LRPPRC: variants seen among roughly 807,000 people sequenced by gnomAD.
The protein encoded by LRPPRC is leucine-rich PPR motif-containing protein, mitochondrial.
LRPPRC carries 120 observed loss-of-function variants against 180.3 expected under a neutral mutation model. The ratio of observed to expected loss-of-function variants is 0.67; its 90% CI spans 0.57 to 0.77. LRPPRC has a LOEUF of 0.77. Ranked by LOEUF, LRPPRC falls within the 30% of genes least tolerant of loss-of-function variation. LRPPRC has a pLI of 0.00. For missense variants in LRPPRC, 2,012 were observed against 1,657.2 expected, an observed-to-expected ratio of 1.21 and a Z score of -3.72; for synonymous variants, 723 against 600.0, an observed-to-expected ratio of 1.21 and a Z score of -3.00.
chr2:43,889,674 G>A (rs1670412296), intron 37 of LRPPRC, 60 bp downstream of exon 37: 5 of 1,272,748 alleles, frequency 3.9e-6, no homozygotes, highest in African/African-American at 1.5e-5. Context: ...CTTACACATT[G>A]TTATGAAGTG....
chr2:43,972,773 T>C (rs898205686), intron 11 of LRPPRC, among the ~76,000 whole-genome samples: 7 of 152,178 alleles, frequency 4.6e-5, no homozygotes, highest in African/African-American at 1.7e-4. Context: ...TAAAAGCACT[T>C]TTTTTGTTGT....
rs1670355822 is a variant in LRPPRC at position 43,888,604 on chromosome 2, G to GA, written c.4180dup (p.Ser1394PhefsTer4). On this transcript the variant is annotated frameshift_variant, in exon 38 of 38. Transcript: ENST00000260665. LOFTEE classifies it high-confidence loss of function. ...ACAAAGTATCGCCTGGTTATTTCAA[G>GA]AAGAGTTTTCCCTCAATTTTCTTAG... 1 of 1,584,024 alleles carries GA rather than the reference G, an allele frequency of 6.3e-7. No individual in the cohort carries two copies.
upstream of LRPPRC, among the ~76,000 whole-genome samples, chr2:43,996,164 A>G (rs144501615): frequency 1.2e-3 from 179 of 152,288 alleles, no homozygotes; most frequent in East Asian, 9.3e-3. Flanking sequence ...TTGATTCATT[A>G]TCGAAGCTTT....
In LRPPRC at chr2:43,928,641, C is replaced by T. The variant is rs1293754584; in HGVS notation, c.2737-2680G>A. Among the ~76,000 whole-genome samples, 4 of 152,066 alleles carry T rather than the reference C, an allele frequency of 2.6e-5. No individual in the cohort carries two copies. The East Asian group carries it at 7.7e-4, about 29-fold the overall frequency. On this transcript the variant is annotated intron_variant, in intron 25 of 37. Transcript: ENST00000260665. ...TGGTATGCACCTGTAGTCCCAGCTA[C>T]TCGGGAGACTGAAATAGGAGAACTG...
intron 36 of LRPPRC, among the ~76,000 whole-genome samples, chr2:43,893,612 C>T (rs1185188993): frequency 1.3e-5 from 2 of 152,188 alleles, no homozygotes; most frequent in Non-Finnish European, 2.9e-5. Context: ...ATACACTACA[C>T]TATGGTGTAA....
chr2:43,981,466 C>T (rs1040189808), intron 2 of LRPPRC, among the ~76,000 whole-genome samples: 3 of 152,104 alleles, frequency 2.0e-5, no homozygotes, highest in Non-Finnish European at 4.4e-5. Context: ...CGAGACCAGC[C>T]TGGCCAACAT....
intron 19 of LRPPRC, 66 bp downstream of exon 19, chr2:43,947,665 A>G (rs545170024): frequency 5.2e-6 from 5 of 957,874 alleles, no homozygotes; most frequent in African/African-American, 4.8e-5. Flanking sequence ...TTATAAGTAC[A>G]CAATCCAGAA....
At chr2:43,947,691 G>C in intron 19 of LRPPRC, 40 bp downstream of exon 19, 1 of 1,095,508 alleles carries the variant, frequency 9.1e-7, no homozygotes, top group Non-Finnish European at 1.4e-6. Context: ...ATTAAATATG[G>C]GTATTATAGC....
rs1672771645 is a variant in LRPPRC at position 43,948,338 on chromosome 2, A to G, written c.1842+74T>C. On this transcript the variant is annotated intron_variant, in intron 17 of 37. Transcript: ENST00000260665. ...TTGAGAAGTGGTCTGGTTGTACTTAAAAGCAGCAATTTCAAATCTAATAGA... is the reference window on the plus strand; with the variant it reads ...TTGAGAAGTGGTCTGGTTGTACTTAGAAGCAGCAATTTCAAATCTAATAGA... 8.8e-6 allele frequency: 9 copies of G among 1,020,190 alleles called. No homozygotes were observed. The South Asian group carries it at 1.1e-4, about 13-fold the overall frequency. 63.2% of individuals were successfully genotyped at this position (1,020,190 alleles called of 1,614,324 possible). A position where few individuals can be genotyped will look rare whatever the true frequency, so the allele number is the denominator to read the frequency against.
chr2:43,893,298 T>C (rs1670561270), intron 36 of LRPPRC, among the ~76,000 whole-genome samples: 1 of 152,238 alleles, frequency 6.6e-6, no homozygotes, highest in South Asian at 2.1e-4. Context: ...TTGAGAAGAT[T>C]GATTCCAATT....
At chr2:43,965,300 C>T (rs185066471) in intron 11 of LRPPRC, among the ~76,000 whole-genome samples, 363 of 152,284 alleles carry the variant, frequency 2.4e-3, no homozygotes, top group Non-Finnish European at 3.9e-3. Flanking sequence ...ACCTCGTGAT[C>T]TGCCCGCCTC....
At chr2:43,986,415 C>T (rs779920028) in intron 1 of LRPPRC, among the ~76,000 whole-genome samples, 5 of 152,204 alleles carry the variant, frequency 3.3e-5, no homozygotes, top group Admixed American at 6.5e-5. Context: ...CAGGCATGAG[C>T]CACCATGCCC....
At chr2:43,933,958 T>C (rs920183498) in intron 25 of LRPPRC, among the ~76,000 whole-genome samples, 1 of 152,136 alleles carries the variant, frequency 6.6e-6, no homozygotes, top group African/African-American at 2.4e-5. Flanking sequence ...TATATAATAG[T>C]GAATTTAACA....
intron 31 of LRPPRC, chr2:43,902,083 A>C (rs1558907020): frequency 6.4e-6 from 1 of 156,384 alleles, no homozygotes; most frequent in African/African-American, 2.4e-5. Flanking sequence ...CTAAATTAAA[A>C]AATAATGCCT....
intron 9 of LRPPRC, 122 bp downstream of exon 9, chr2:43,974,028 G>C (rs915095961): frequency 1.7e-6 from 2 of 1,195,604 alleles, no homozygotes; most frequent in African/African-American, 1.5e-5. Context: ...CAAAAATCTT[G>C]CAACACAAGA....
At chr2:43,970,435 G>A (rs1398661633) in intron 11 of LRPPRC, among the ~76,000 whole-genome samples, 2 of 152,190 alleles carry the variant, frequency 1.3e-5, no homozygotes, top group South Asian at 2.1e-4. Context: ...CAATAAGAAG[G>A]AAAGACTGAT....
intron 11 of LRPPRC, among the ~76,000 whole-genome samples, chr2:43,968,515 T>C (rs916483372): frequency 6.6e-6 from 1 of 152,224 alleles, no homozygotes; most frequent in Non-Finnish European, 1.5e-5. Flanking sequence ...TATTACCACT[T>C]GGCTTAGATC....
chr2:43,923,442 T>C (rs1482675704), intron 27 of LRPPRC, among the ~76,000 whole-genome samples: 1 of 152,180 alleles, frequency 6.6e-6, no homozygotes, highest in Non-Finnish European at 1.5e-5. Context: ...CAGTGAGCTC[T>C]GATCGCACCA....
In LRPPRC at chr2:43,930,645, C is replaced by T. The variant is rs563787625; in HGVS notation, c.2736+3545G>A. Among the ~76,000 whole-genome samples, 191 of 152,210 alleles carry T rather than the reference C, an allele frequency of 1.3e-3. 3 individuals are homozygous for T. Among genetic ancestry groups the T allele is most frequent in the Non-Finnish European group, 2.4e-3 (163 of 68,014 alleles). On this transcript the variant is annotated intron_variant, in intron 25 of 37. Transcript: ENST00000260665. Reference sequence around the variant, plus strand: ...GTAATAATCATAATTTACATCTTTACCTACTTTGGTTTTCAGATGATTTAC... The same window carrying T: ...GTAATAATCATAATTTACATCTTTATCTACTTTGGTTTTCAGATGATTTAC...
Sources: gnomAD v4.1 joint callset for allele counts (sites outside exome capture counted in the v4.1 genomes callset) on GRCh38, gnomAD v4.1.1 for gene constraint, MANE v1.5 for transcripts, NCBI Gene and HGNC (gene_info 2026-07-23, HGNC 2026-07-21) for gene names.